ASIC2: variants seen among roughly 807,000 people sequenced by gnomAD.
The protein encoded by ASIC2 is acid-sensing ion channel 2.
ASIC2 carries 25 observed loss-of-function variants against 57.3 expected under a neutral mutation model. The observed-to-expected ratio is 0.44, with a 90% confidence interval of 0.32 to 0.61. ASIC2 has a LOEUF of 0.61. ASIC2 is among the 20% of genes least tolerant of loss of function. The pLI, the probability that ASIC2 is intolerant of heterozygous loss-of-function variation, is 0.06. For missense variants in ASIC2, 641 were observed against 738.1 expected (o/e 0.87, Z 1.52); for synonymous variants, 319 against 307.5 (o/e 1.04, Z -0.39).
chr17:33,649,659 G>T (rs1906856209), intron 1 of ASIC2, among the ~76,000 whole-genome samples: 2 of 152,308 alleles, frequency 1.3e-5, no homozygotes, highest in South Asian at 4.1e-4. Context: ...AAACTGTGCA[G>T]TATTGGTGGA....
At chr17:34,021,396 C>T (rs577664098) in intron 1 of ASIC2, among the ~76,000 whole-genome samples, 33 of 152,310 alleles carry the variant, frequency 2.2e-4, no homozygotes, top group African/African-American at 7.7e-4. Context: ...ATTATCTGGC[C>T]GATACCTGCC....
At chr17:33,668,167 C>G (rs1223027174) in intron 1 of ASIC2, among the ~76,000 whole-genome samples, 1 of 152,104 alleles carries the variant, frequency 6.6e-6, no homozygotes, top group Non-Finnish European at 1.5e-5. Context: ...CATAAAGCTC[C>G]CATTGCTCCC....
intron 1 of ASIC2, among the ~76,000 whole-genome samples, chr17:33,872,030 C>T (rs1015555538): frequency 6.6e-6 from 1 of 152,098 alleles, no homozygotes; most frequent in African/African-American, 2.4e-5. Flanking sequence ...GGCTCAGGCC[C>T]CTCCGCCACC....
In ASIC2 at chr17:33,088,934, G is replaced by A. The variant is rs1402742846; in HGVS notation, c.916C>T (p.Pro306Ser). ...KVQIHSQSEP[P>S]FIQELGFGVA... ...CCAAAGCCCAGCTCTTGGATGAAAGGTGGCTCAGACTGACTGTGGATCTGA... is the reference window on the plus strand; with the variant it reads ...CCAAAGCCCAGCTCTTGGATGAAAGATGGCTCAGACTGACTGTGGATCTGA... Residue 306 changes from proline (P) to serine (S), a missense_variant, in exon 3 of 10, where the codon CCT becomes TCT. Pro to Ser is a moderately conservative substitution (Grantham distance 74, BLOSUM62 -1). This residue lies in a region of ASIC2 where 252 missense variants were observed against 319.8 expected (regional missense o/e 0.79). Coordinates refer to ENST00000225823, the MANE Select transcript of ASIC2 (RefSeq NM_183377.2). 1 of 1,614,172 alleles carries A rather than the reference G, an allele frequency of 6.2e-7. No individual in the cohort carries two copies.
intron 1 of ASIC2, among the ~76,000 whole-genome samples, chr17:33,714,985 TTTA>T (rs71364615): frequency 3.9e-4 from 56 of 142,202 alleles, no homozygotes; most frequent in South Asian, 2.5e-3. Context: ...GCCAGGCTAA[TTTA>T]TTATTATTAT....
intron 1 of ASIC2, among the ~76,000 whole-genome samples, chr17:33,790,805 T>C (rs1223764941): frequency 6.6e-6 from 1 of 152,150 alleles, no homozygotes; most frequent in South Asian, 2.1e-4. Flanking sequence ...CTAACAACAA[T>C]AACAATATTA....
At chr17:34,080,308 A>G (rs1388350932) in intron 1 of ASIC2, among the ~76,000 whole-genome samples, 1 of 152,190 alleles carries the variant, frequency 6.6e-6, no homozygotes, top group Non-Finnish European at 1.5e-5. Context: ...GGATTTGTGC[A>G]ATGTGGTGGC....
At chr17:34,099,447 AAG>A (rs1408966444) in intron 1 of ASIC2, among the ~76,000 whole-genome samples, 2 of 96,056 alleles carry the variant, frequency 2.1e-5, no homozygotes, top group African/African-American at 5.7e-5. Flanking sequence ...AAGAAAGAGA[AAG>A]AAAGAAAAGA....
At position 33,292,617 on chromosome 17, in the gene ASIC2, C is replaced by G. The variant is rs1461330113; in HGVS notation, c.-502G>C. ...TGGACATCCCCAGGGACCCCACCAG[C>G]CCGGCCCGTAGCCCAGCGGTGCTGG... On this transcript the variant is annotated 5_prime_UTR_variant, in exon 1 of 10. Coordinates refer to ENST00000225823, the MANE Select transcript of ASIC2 (RefSeq NM_183377.2). 1 of 985,516 alleles carries G rather than the reference C, an allele frequency of 1.0e-6. No individual in the cohort carries two copies. Among genetic ancestry groups the G allele is most frequent in the African/African-American group, 1.7e-5 (1 of 57,256 alleles). 61.0% of individuals were successfully genotyped at this position (985,516 alleles called of 1,614,324 possible).
chr17:33,775,198 G>GC (rs1457071960), intron 1 of ASIC2, among the ~76,000 whole-genome samples: 1 of 152,222 alleles, frequency 6.6e-6, no homozygotes, highest in Non-Finnish European at 1.5e-5. Flanking sequence ...GTCAGAGCTG[G>GC]CTGGGAGGCT....
chr17:33,634,710 C>CTTTTTTTT (rs71144892), intron 1 of ASIC2: 3 of 74,012 alleles, frequency 4.1e-5, no homozygotes, highest in African/African-American at 6.8e-5. Context: ...TTCTTTCTTT[C>CTTTTTTTT]TTTTTTTTTT....
At chr17:33,429,421 C>T (rs993502909) in intron 1 of ASIC2, among the ~76,000 whole-genome samples, 5 of 152,000 alleles carry the variant, frequency 3.3e-5, no homozygotes, top group Admixed American at 1.3e-4. Flanking sequence ...GACAGAGTCT[C>T]GCTCTGTCGC....
At chr17:33,836,650 C>T (rs935207015) in intron 1 of ASIC2, among the ~76,000 whole-genome samples, 3 of 151,908 alleles carry the variant, frequency 2.0e-5, no homozygotes, top group Non-Finnish European at 4.4e-5. Context: ...ATCAGGAGTT[C>T]GAGACCAACT....
At chr17:33,466,806 A>G (rs1347282062) in intron 1 of ASIC2, among the ~76,000 whole-genome samples, 1 of 152,218 alleles carries the variant, frequency 6.6e-6, no homozygotes, top group Non-Finnish European at 1.5e-5. Context: ...GAAAGCTGAA[A>G]CTGGATCCCT....
At chr17:33,321,787 T>G (rs1906882432) in intron 1 of ASIC2, among the ~76,000 whole-genome samples, 1 of 152,232 alleles carries the variant, frequency 6.6e-6, no homozygotes, top group Admixed American at 6.5e-5. Context: ...CATTTTCTTT[T>G]TGCTGAGTTT....
At chr17:33,319,357 C>T (rs1236895150) in intron 1 of ASIC2, among the ~76,000 whole-genome samples, 8 of 152,190 alleles carry the variant, frequency 5.3e-5, no homozygotes, top group East Asian at 3.8e-4. Flanking sequence ...GATTGGGACA[C>T]GTAGCTGCCC....
At chr17:34,120,756 TGAGACA>T in intron 1 of ASIC2, among the ~76,000 whole-genome samples, 1 of 137,478 alleles carries the variant, frequency 7.3e-6, no homozygotes, top group African/African-American at 2.9e-5. Context: ...TTTTTTTTTT[TGAGACA>T]GAGTCTTGCT....
chr17:33,869,013 T>C (rs1247864461), intron 1 of ASIC2, among the ~76,000 whole-genome samples: 1 of 152,172 alleles, frequency 6.6e-6, no homozygotes, highest in Admixed American at 6.5e-5. Flanking sequence ...TGCAGTGAGC[T>C]GTTATCTCAG....
chr17:33,353,902 T>C (rs1221000908), intron 1 of ASIC2, among the ~76,000 whole-genome samples: 1 of 152,200 alleles, frequency 6.6e-6, no homozygotes, highest in Non-Finnish European at 1.5e-5. Context: ...GCCCATTCTC[T>C]TGCTGTGAAT....
Sources: gnomAD v4.1 joint callset for allele counts (sites outside exome capture counted in the v4.1 genomes callset) on GRCh38, gnomAD v4.1.1 for gene constraint, gnomAD v4.1.1 regional missense constraint, MANE v1.5 for transcripts, NCBI Gene and HGNC (gene_info 2026-07-23, HGNC 2026-07-21) for gene names.